TNS1: variants seen among roughly 807,000 people sequenced by gnomAD.
The protein encoded by TNS1 is tensin-1.
TNS1 carries 62 observed loss-of-function variants against 168.6 expected under a neutral mutation model. The observed-to-expected ratio is 0.37, with a 90% CI of 0.30 to 0.45. The LOEUF (loss-of-function observed/expected upper bound fraction) is 0.45. Ranked by LOEUF, TNS1 falls within the 20% of genes least tolerant of loss-of-function variation. The pLI is 1.00. For missense variants in TNS1, 2,240 were observed against 2,339.4 expected, an observed-to-expected ratio of 0.96 and a Z score of 0.88; for synonymous variants, 934 against 933.2, an observed-to-expected ratio of 1.00 and a Z score of -0.02.
At position 217,801,047 on chromosome 2, in the gene TNS1, G is replaced by C. The variant is rs999587355; in HGVS notation, c.*3412C>G. 1 of 151,994 alleles carries C rather than the reference G, an allele frequency of 6.6e-6. No homozygotes were observed. Among genetic ancestry groups the C allele is most frequent in the African/African-American group, 2.4e-5 (1 of 41,368 alleles). 9.4% of individuals were successfully genotyped at this position (151,994 alleles called of 1,614,324 possible). A position where few individuals can be genotyped will look rare whatever the true frequency, so the allele number is the denominator to read the frequency against. ...TCCTGGCCAGTCTCAGAAGACCCAGGGATCCTCAAAAACCAGGGGAGAAGG... is the reference window on the plus strand; with the variant it reads ...TCCTGGCCAGTCTCAGAAGACCCAGCGATCCTCAAAAACCAGGGGAGAAGG... On this transcript the variant is annotated 3_prime_UTR_variant, in exon 33 of 33. Transcript: ENST00000682258.
upstream of TNS1, among the ~76,000 whole-genome samples, chr2:218,011,223 T>A (rs936366878): frequency 6.6e-6 from 1 of 152,018 alleles, no homozygotes; most frequent in African/African-American, 2.4e-5. Flanking sequence ...TGTGAGGTCA[T>A]CCTATTAGGA....
At chr2:217,996,381 C>T (rs1958470775) in intron 1 of TNS1, among the ~76,000 whole-genome samples, 2 of 152,156 alleles carry the variant, frequency 1.3e-5, no homozygotes, top group Non-Finnish European at 2.9e-5. Flanking sequence ...GGGCATCCAG[C>T]GTCGTTTATG....
At chr2:218,014,036 AG>A (rs1267607891), upstream of TNS1, among the ~76,000 whole-genome samples, 1 of 152,180 alleles carries the variant, frequency 6.6e-6, no homozygotes, top group Non-Finnish European at 1.5e-5. Context: ...GAAACAAGAG[AG>A]CAGGTCATGG....
At chr2:218,007,629 A>G (rs1307086298), upstream of TNS1, among the ~76,000 whole-genome samples, 2 of 150,818 alleles carry the variant, frequency 1.3e-5, no homozygotes, top group Non-Finnish European at 2.9e-5. Context: ...GGATAGTGCT[A>G]CTACATGGGT....
chr2:217,877,485 T>G (rs1258967727), intron 18 of TNS1, among the ~76,000 whole-genome samples: 1 of 152,214 alleles, frequency 6.6e-6, no homozygotes, highest in African/African-American at 2.4e-5. Flanking sequence ...GCTGAGCTAA[T>G]GCCAAGGAGG....
At chr2:217,980,481 C>CCT (rs1298687954) in intron 2 of TNS1, among the ~76,000 whole-genome samples, 6 of 147,186 alleles carry the variant, frequency 4.1e-5, no homozygotes, top group African/African-American at 7.7e-5. Context: ...GGGGGACCTG[C>CCT]CTCTCTCTCT....
chr2:218,016,941 G>C (rs932518127), intron 1 of TNS1, among the ~76,000 whole-genome samples: 8 of 152,200 alleles, frequency 5.3e-5, no homozygotes, highest in African/African-American at 1.9e-4. Flanking sequence ...GGAGAGGGGA[G>C]AAGAGTAAAG....
rs373123074 is a variant in TNS1, at chr2:217,813,749, G to A, written c.4797C>T (p.Gly1599=). 4.7e-5 allele frequency: 76 copies of A among 1,613,912 alleles called. No individual in the cohort carries two copies. Among genetic ancestry groups the A allele is most frequent in the Middle Eastern group, 1.6e-4 (1 of 6,078 alleles). Residue 1599 remains glycine, a synonymous_variant, in exon 26 of 33, where the codon GGC becomes GGT. Transcript: ENST00000682258. The surrounding 1 kb of genome is among the most constrained non-coding windows in gnomAD (Gnocchi z 4.0). ...FIIRDSHSFR[G]AYGLAMKVSS... ...ACACCTTCATGGCCAGCCCGTACGCGCCTCGGAAGGAGTGACTGTCGCGGA... is the reference window on the plus strand; with the variant it reads ...ACACCTTCATGGCCAGCCCGTACGCACCTCGGAAGGAGTGACTGTCGCGGA...
chr2:217,869,220 G>A (rs1949551518), intron 18 of TNS1, among the ~76,000 whole-genome samples: 1 of 152,310 alleles, frequency 6.6e-6, no homozygotes, highest in African/African-American at 2.4e-5. Flanking sequence ...GGGAGGGAGT[G>A]GGTAGATGCA....
intron 3 of TNS1, among the ~76,000 whole-genome samples, chr2:217,928,470 A>T (rs1447248526): frequency 6.6e-6 from 1 of 152,190 alleles, no homozygotes. Context: ...CCAGGAAATG[A>T]AGTGCATCAA....
At chr2:217,860,003 CTT>C (rs1271277781) in intron 18 of TNS1, among the ~76,000 whole-genome samples, 1 of 152,218 alleles carries the variant, frequency 6.6e-6, no homozygotes, top group African/African-American at 2.4e-5. Flanking sequence ...CCAGTGGGAG[CTT>C]CAGCGACTGG....
At chr2:217,877,125 C>A (rs868135994) in intron 18 of TNS1, among the ~76,000 whole-genome samples, 11 of 152,116 alleles carry the variant, frequency 7.2e-5, no homozygotes, top group Non-Finnish European at 1.2e-4. Context: ...CCTCATCACG[C>A]CCCCCTCCTC....
At chr2:217,921,661 C>T (rs1231422554) in intron 3 of TNS1, among the ~76,000 whole-genome samples, 1 of 152,188 alleles carries the variant, frequency 6.6e-6, no homozygotes, top group Non-Finnish European at 1.5e-5. Flanking sequence ...AGCAAAGAGG[C>T]CCAAATGGAG....
intron 3 of TNS1, among the ~76,000 whole-genome samples, chr2:217,968,729 C>G (rs191825401): frequency 2.8e-4 from 42 of 152,290 alleles, no homozygotes; most frequent in Non-Finnish European, 3.8e-4. Flanking sequence ...AAGTCTCACT[C>G]TGTCACCCAG....
Position 218,033,936 on chromosome 2 carries a change from G to A in TNS1, c.40C>T (p.Arg14Trp), listed in dbSNP as rs929895473. 2.0e-5 allele frequency among the ~76,000 whole-genome samples: 3 copies of A among 152,188 alleles called. No homozygotes were observed. Among genetic ancestry groups the A allele is most frequent in the African/African-American group, 7.2e-5 (3 of 41,444 alleles). The change falls in exon 1 of 2, where the codon CGG (arginine) becomes TGG (tryptophan). Residue 14 changes from arginine (R) to tryptophan (W), a missense_variant. By Grantham distance (101) the Arg-to-Trp change is moderately radical (BLOSUM62 -3). Coordinates refer to the TNS1 transcript ENST00000649572. The surrounding 1 kb of genome is among the most constrained non-coding windows in gnomAD (Gnocchi z 4.3). ...TGGGGACCGCAGAGTGGTCCGGGCCGCAGCTCTTCGCAGCACACCAGGCTC... is the reference window on the plus strand; with the variant it reads ...TGGGGACCGCAGAGTGGTCCGGGCCACAGCTCTTCGCAGCACACCAGGCTC...
At chr2:217,831,287 A>C (rs556683312) in intron 22 of TNS1, among the ~76,000 whole-genome samples, 168 bp downstream of exon 22, 48 of 152,202 alleles carry the variant, frequency 3.2e-4, no homozygotes, top group Non-Finnish European at 6.3e-4. Context: ...GGCTGCAAGG[A>C]AATCTGTCAC....
intron 1 of TNS1, among the ~76,000 whole-genome samples, chr2:218,026,969 G>T (rs1958853924): frequency 6.6e-6 from 1 of 152,248 alleles, no homozygotes; most frequent in South Asian, 2.1e-4. Flanking sequence ...GTGGGCTCAA[G>T]TTCTTGGGGC....
chr2:217,943,722 T>C (rs1186945775), intron 3 of TNS1: 1 of 152,138 alleles, frequency 6.6e-6, no homozygotes, highest in Non-Finnish European at 1.5e-5. Context: ...GACCTCACCT[T>C]CTCCTAATCT....
rs143912099 is a variant in TNS1, at chr2:217,848,451, G to A, written c.2066C>T (p.Ala689Val). ...VNGGGYPYESASRAGPAHAGH... is the reference protein window; with the variant it reads ...VNGGGYPYESVSRAGPAHAGH... ...AGCATGGGCAGGCCCCGCCCGGCTG[G>A]CAGACTCGTAGGGGTAGCCTCCTCC... Residue 689 changes from alanine (A) to valine (V), a missense_variant, in exon 19 of 33, where the codon GCC (alanine) becomes GTC (valine). Physicochemically the swap from Ala to Val is moderately conservative, Grantham distance 64. Coordinates refer to ENST00000682258, the MANE Select transcript of TNS1 (RefSeq NM_001387777.1). The A allele has an allele frequency of 4.3e-5, 69 of 1,612,134 alleles. No homozygotes were observed. The highest frequency in any genetic ancestry group is 3.3e-4 in the Middle Eastern group (2 of 6,080).
Sources: allele counts gnomAD v4.1 joint callset (sites outside exome capture counted in the v4.1 genomes callset), GRCh38; gene constraint gnomAD v4.1.1; non-coding constraint Gnocchi (gnomAD v3.1); transcripts MANE v1.5; gene names NCBI Gene and HGNC (gene_info 2026-07-23, HGNC 2026-07-21).